Variants in NF1 observed in about 807,000 individuals in gnomAD.
NF1 encodes neurofibromin.
In NF1, 122 loss-of-function variants were observed where a neutral mutation model predicts 325.7. The observed-to-expected ratio is 0.37, with a 90% CI of 0.32 to 0.44. NF1 has a LOEUF of 0.44. Among genes scored for constraint, NF1 ranks in the 20% least tolerant of loss-of-function variants. The pLI, the probability that NF1 is intolerant of heterozygous loss-of-function variation, is 1.00. For missense variants in NF1, 2,140 were observed against 3,415.4 expected (o/e 0.63, Z 9.31); for synonymous variants, 1,091 against 1,186.0 (o/e 0.92, Z 1.65).
chr17:31,268,357 G>A (rs1399314305), intron 36 of NF1, among the ~76,000 whole-genome samples: 3 of 151,816 alleles, frequency 2.0e-5, no homozygotes, highest in Admixed American at 6.6e-5. Context: ...GGCTGGGCGC[G>A]GTGGCTCATG....
At chr17:31,274,730 GGTAATA>G (rs68037843) in intron 36 of NF1, among the ~76,000 whole-genome samples, 145,793 of 150,736 alleles carry the variant, frequency 0.97, 70,642 homozygotes, top group East Asian at 1. Context: ...GTATATAGTT[GGTAATA>G]GTAATAGTAA....
At position 31,229,069 on chromosome 17, in the gene NF1, C is replaced by G. The variant is rs763634947; in HGVS notation, c.2454C>G (p.Ser818=). The G allele has an allele frequency of 4.3e-6, 7 of 1,611,626 alleles. No individual in the cohort carries two copies. The Admixed American group carries it at 5.0e-5, about 12-fold the overall frequency. Residue 818 remains serine, a synonymous_variant, in exon 21 of 58, where the codon TCC becomes TCG. Transcript: ENST00000358273. The stretch of plus-strand genomic sequence containing the variant: ...AGACCATTGTTAAGAGGCGAATGTC[C>G]CATGTGAGTGGAGGAGGATCCATAG... The part of the protein sequence containing the change: ...LHKTIVKRRM[S]HVSGGGSIDL...
At chr17:31,366,044 C>G (rs1237629091) in intron 57 of NF1, among the ~76,000 whole-genome samples, 1 of 151,474 alleles carries the variant, frequency 6.6e-6, no homozygotes, top group East Asian at 1.9e-4. Flanking sequence ...AAGCAATTCT[C>G]CTGCTTCACC....
chr17:31,286,782 G>T (rs1467283468), intron 36 of NF1, among the ~76,000 whole-genome samples: 1 of 152,152 alleles, frequency 6.6e-6, no homozygotes, highest in Non-Finnish European at 1.5e-5. Context: ...TGGCAAATTA[G>T]GGCTTTCCCA....
chr17:31,262,690 AGAATATAT>A, intron 35 of NF1, among the ~76,000 whole-genome samples: 1 of 152,242 alleles, frequency 6.6e-6, no homozygotes. Context: ...TACTGTTAAA[AGAATATAT>A]GAATATATGA....
intron 5 of NF1, among the ~76,000 whole-genome samples, chr17:31,177,432 G>T (rs569573678): frequency 1.3e-5 from 1 of 74,506 alleles, no homozygotes; most frequent in Admixed American, 1.1e-4. Flanking sequence ...GTGCAAAAAG[G>T]CTGAAAAAAA....
At chr17:31,170,096 AAACTGGATTTTAT>A (rs2065906563) in intron 5 of NF1, 99 bp downstream of exon 5, 5 of 756,728 alleles carry the variant, frequency 6.6e-6, no homozygotes, top group Non-Finnish European at 1.1e-5. Context: ...CTAGAACACC[AAACTGGATTTTAT>A]AATGACATTT....
At position 31,336,758 on chromosome 17, in the gene NF1, A is replaced by C; in HGVS notation, c.6271A>C (p.Asn2091His). The change falls in exon 42 of 58, where the codon AAC (asparagine) becomes CAC (histidine). Residue 2091 changes from asparagine to histidine, a missense_variant. Around this residue, in one of 10 missense-constraint regions of NF1, gnomAD observed 180 missense variants for 435.1 expected, o/e 0.41. Transcript: ENST00000358273. This position sits in a 1 kb window ranked among gnomAD's most constrained non-coding sequence, Gnocchi z 5.5. ...LARYMLMLSF[N>H]NSLDVAAHLP... is the part of the protein sequence containing the mutation. ...ACGCTACATGCTGATGCTGTCCTTC[A>C]ACAATTCCCTTGATGTGGCAGCTCA... The C allele has an allele frequency of 6.2e-7, 1 of 1,614,146 alleles. No homozygotes were observed. Among genetic ancestry groups the C allele is most frequent in the Non-Finnish European group, 8.5e-7 (1 of 1,180,038 alleles).
At position 31,336,159 on chromosome 17, in the gene NF1, A is replaced by G. The variant is rs1322701145; in HGVS notation, c.6007-174A>G. On this transcript the variant is annotated intron_variant, in intron 40 of 57. Transcript: ENST00000358273. The surrounding 1 kb of genome is among the most constrained non-coding windows in gnomAD (Gnocchi z 5.5). ...AATGAATATACTCATCCTTTACTGG[A>G]TATTTTATAATAAATTGTATTTACT... Among the ~76,000 whole-genome samples, 1 of 152,114 alleles carries G rather than the reference A, an allele frequency of 6.6e-6. No individual in the cohort carries two copies. Among genetic ancestry groups the G allele is most frequent in the Non-Finnish European group, 1.5e-5 (1 of 68,018 alleles).
At chr17:31,121,360 A>G (rs1914411402) in intron 1 of NF1, among the ~76,000 whole-genome samples, 3 of 142,416 alleles carry the variant, frequency 2.1e-5, no homozygotes, top group Admixed American at 2.1e-4. Flanking sequence ...TTCAACAAAT[A>G]TTTATTGAGT....
At chr17:31,294,281 T>A (rs1004358292) in intron 36 of NF1, among the ~76,000 whole-genome samples, 1 of 152,212 alleles carries the variant, frequency 6.6e-6, no homozygotes, top group South Asian at 2.1e-4. Context: ...TTTTTCATTA[T>A]GTTTTTAACA....
At chr17:31,170,270 A>T (rs138239023) in intron 5 of NF1, among the ~76,000 whole-genome samples, 1 of 152,158 alleles carries the variant, frequency 6.6e-6, no homozygotes, top group Admixed American at 6.5e-5. Flanking sequence ...CAAGGGTGCT[A>T]TTATTTCATT....
intron 1 of NF1, among the ~76,000 whole-genome samples, chr17:31,118,936 CTCT>C (rs1488416825): frequency 3.0e-5 from 3 of 100,652 alleles, no homozygotes; most frequent in Non-Finnish European, 8.3e-5. Context: ...ATGTCTCTCT[CTCT>C]TTTTTTTTTT....
chr17:31,265,349 A>G lies in NF1; in HGVS notation c.4835+10A>G, dbSNP rs1248224239. On this transcript the variant is annotated intron_variant, in intron 36 of 57. Transcript: ENST00000358273. Reference sequence around the variant, plus strand: ...ATTATGTTGCACGGAGGTAAGAAATACTATGTTTTGGGTCTCTTAACAGAA... The same window carrying G: ...ATTATGTTGCACGGAGGTAAGAAATGCTATGTTTTGGGTCTCTTAACAGAA... 1 of 1,589,416 alleles carries G rather than the reference A, an allele frequency of 6.3e-7. No individual in the cohort carries two copies. Among genetic ancestry groups the G allele is most frequent in the African/African-American group, 1.3e-5 (1 of 74,378 alleles).
intron 20 of NF1, among the ~76,000 whole-genome samples, chr17:31,228,280 A>C (rs1314637369): frequency 6.6e-6 from 1 of 152,178 alleles, no homozygotes; most frequent in Non-Finnish European, 1.5e-5. Context: ...TCTCATTATT[A>C]GGTGATTTAT....
chr17:31,180,575 A>G (rs191327425), intron 5 of NF1, among the ~76,000 whole-genome samples: 7 of 152,372 alleles, frequency 4.6e-5, no homozygotes, highest in Admixed American at 3.9e-4. Context: ...TGAATAAACT[A>G]GGGATTGATC....
At chr17:31,295,274 A>T in intron 36 of NF1, 2 of 1,614,140 alleles carry the variant, frequency 1.2e-6, no homozygotes, top group Middle Eastern at 1.6e-4. Flanking sequence ...ATGAATAGTT[A>T]GAGTTGCAGC....
intron 36 of NF1, among the ~76,000 whole-genome samples, chr17:31,314,865 T>C (rs2068980039): frequency 6.6e-6 from 1 of 152,170 alleles, no homozygotes; most frequent in South Asian, 2.1e-4. Flanking sequence ...TTTAGTTTTT[T>C]GAGGAACCAC....
chr17:31,319,155 G>T (rs540888504), intron 36 of NF1: 1 of 912,918 alleles, frequency 1.1e-6, no homozygotes, highest in Non-Finnish European at 1.6e-6. Flanking sequence ...TCGCTACCCT[G>T]AATTCCTTCT....
Sources: gnomAD v4.1 joint callset for allele counts (sites outside exome capture counted in the v4.1 genomes callset) on GRCh38, gnomAD v4.1.1 for gene constraint, gnomAD v4.1.1 regional missense constraint, Gnocchi (gnomAD v3.1) non-coding constraint, MANE v1.5 for transcripts, NCBI Gene and HGNC (gene_info 2026-07-23, HGNC 2026-07-21) for gene names.